The following TCEANC2 variants were observed in gnomAD, a reference collection of about 807,000 sequenced individuals.
TCEANC2 encodes transcription elongation factor A N-terminal and central domain containing 2.
TCEANC2 carries 20 observed loss-of-function variants against 22.8 expected under a neutral mutation model. The observed-to-expected ratio is 0.88, with a 90% CI of 0.62 to 1.28. The LOEUF (loss-of-function observed/expected upper bound fraction) is 1.28. TCEANC2 is among the 50% of genes most tolerant of loss of function. The probability of loss-of-function intolerance (pLI) is 0.00; values close to 1 mark genes in which losing one functional copy is unlikely to be tolerated. For synonymous variants in TCEANC2, 84 were observed against 95.5 expected, an observed-to-expected ratio of 0.88 and a Z score of 0.70; for missense variants, 251 against 249.7, an observed-to-expected ratio of 1.01 and a Z score of -0.03.
At chr1:54,064,296 G>A (rs942660266) in intron 2 of TCEANC2, among the ~76,000 whole-genome samples, 2 of 152,180 alleles carry the variant, frequency 1.3e-5, no homozygotes, top group Non-Finnish European at 2.9e-5. Flanking sequence ...GGTTCTTGGC[G>A]TTTTGAACAA....
chr1:54,054,690 AT>A (rs1441636199), intron 2 of TCEANC2, among the ~76,000 whole-genome samples, 166 bp downstream of exon 2: 1 of 152,132 alleles, frequency 6.6e-6, no homozygotes, highest in Non-Finnish European at 1.5e-5. Context: ...ACAGACTTAC[AT>A]TTATAAATTT....
chr1:54,083,581 G>A lies in TCEANC2; in HGVS notation c.245-5016G>A, dbSNP rs542935086. Among the ~76,000 whole-genome samples, 19 of 152,304 alleles carry A rather than the reference G, an allele frequency of 1.2e-4. No homozygotes were observed. In the South Asian group the frequency reaches 3.5e-3, roughly 28 times the overall value. The stretch of plus-strand genomic sequence containing the variant: ...AGGACTCTCTGTTTGAGGGACTTCT[G>A]TATTATTTCTCATACATAAAGCTGG... On this transcript the variant is annotated intron_variant, in intron 3 of 4. Transcript: ENST00000234827.
chr1:54,076,019 A>G (rs1200892038), intron 3 of TCEANC2, among the ~76,000 whole-genome samples: 3 of 148,128 alleles, frequency 2.0e-5, no homozygotes, highest in Admixed American at 6.6e-5. Context: ...CAGAGCAAGA[A>G]CTTGTCTCCA....
At chr1:54,084,131 G>T (rs1658295093) in intron 3 of TCEANC2, among the ~76,000 whole-genome samples, 1 of 151,776 alleles carries the variant, frequency 6.6e-6, no homozygotes, top group Non-Finnish European at 1.5e-5. Flanking sequence ...TCATGCCTCA[G>T]CCTCCTGAGT....
chr1:54,063,602 T>C (rs1192254526), intron 2 of TCEANC2, among the ~76,000 whole-genome samples: 1 of 152,196 alleles, frequency 6.6e-6, no homozygotes, highest in Non-Finnish European at 1.5e-5. Context: ...AGTGCCAACA[T>C]GGTACCCAAA....
chr1:54,065,679 C>T (rs1657941216), intron 2 of TCEANC2, among the ~76,000 whole-genome samples: 1 of 151,940 alleles, frequency 6.6e-6, no homozygotes, highest in South Asian at 2.1e-4. Flanking sequence ...CACCACTGCA[C>T]TCCAGCCTGG....
At chr1:54,095,150 T>C (rs1658521321) in intron 4 of TCEANC2, among the ~76,000 whole-genome samples, 1 of 152,090 alleles carries the variant, frequency 6.6e-6, no homozygotes, top group African/African-American at 2.4e-5. Context: ...ATCTGTAAAA[T>C]AAAAGTATAT....
At chr1:54,058,264 T>C (rs1657789539) in intron 2 of TCEANC2, among the ~76,000 whole-genome samples, 1 of 152,192 alleles carries the variant, frequency 6.6e-6, no homozygotes, top group South Asian at 2.1e-4. Flanking sequence ...TCCTCTACTA[T>C]TGGGCCCTTC....
intron 2 of TCEANC2, among the ~76,000 whole-genome samples, chr1:54,063,127 G>T (rs1475948241): frequency 6.6e-6 from 1 of 152,148 alleles, no homozygotes; most frequent in Non-Finnish European, 1.5e-5. Flanking sequence ...CTTAGGGGCT[G>T]GGATTTTAAG....
chr1:54,088,503 A>T (rs2100381129), intron 3 of TCEANC2, 94 bp from the exon 4 acceptor site: 2 of 984,162 alleles, frequency 2.0e-6, no homozygotes, highest in Non-Finnish European at 2.9e-6. Context: ...TGTGTGAATG[A>T]CTTTCTCAGT....
chr1:54,088,547 C>T, intron 3 of TCEANC2, 50 bp from the exon 4 acceptor site: 1 of 1,497,512 alleles, frequency 6.7e-7, no homozygotes, highest in Non-Finnish European at 9.0e-7. Flanking sequence ...CTGCGCTTCT[C>T]AGAAGAAGAT....
rs933234369 is a variant in TCEANC2, at chr1:54,105,418, T to A, written c.*8945T>A. The A allele has an allele frequency of 1.3e-5, 2 of 152,206 alleles. No homozygotes were observed. Among genetic ancestry groups the A allele is most frequent in the Non-Finnish European group, 2.9e-5 (2 of 68,096 alleles). The allele number at this position is 152,206 out of a possible 1,614,324, so 9.4% of individuals were successfully genotyped here. ...AAGGGCCATCTCAGCTTCAAGACCC[T>A]CCCATGAGACTGGCTGAGGTCTTCA... On this transcript the variant is annotated 3_prime_UTR_variant, in exon 5 of 5. Coordinates refer to ENST00000234827, the MANE Select transcript of TCEANC2 (RefSeq NM_153035.3).
rs142062407 is a variant in TCEANC2, at chr1:54,054,080, G to C, written c.-42-301G>C. On this transcript the variant is annotated intron_variant, in intron 1 of 4. Coordinates refer to ENST00000234827, the MANE Select transcript of TCEANC2 (RefSeq NM_153035.3). The stretch of plus-strand genomic sequence containing the variant: ...CCAATCTTATTTGGAAGAGGGCTTA[G>C]GTGCACGCTCTAGCGGGGATTCCAA... 88 of 371,820 alleles carry C rather than the reference G, an allele frequency of 2.4e-4. No individual in the cohort carries two copies. The South Asian group carries it at 5.0e-3, about 21-fold the overall frequency. 23.0% of individuals were successfully genotyped at this position (371,820 alleles called of 1,614,324 possible).
intron 3 of TCEANC2, among the ~76,000 whole-genome samples, chr1:54,079,093 G>C (rs949326120): frequency 6.6e-6 from 1 of 152,114 alleles, no homozygotes. Context: ...TCTTAACCTG[G>C]TGAGCAGGCA....
chr1:54,079,767 A>C, intron 3 of TCEANC2, among the ~76,000 whole-genome samples: 1 of 152,174 alleles, frequency 6.6e-6, no homozygotes, highest in East Asian at 1.9e-4. Context: ...AAGGTAACGT[A>C]GTCACAGATT....
chr1:54,091,460 A>G (rs1471138304), intron 4 of TCEANC2, among the ~76,000 whole-genome samples: 1 of 152,190 alleles, frequency 6.6e-6, no homozygotes, highest in Non-Finnish European at 1.5e-5. Flanking sequence ...AGCCTCTACA[A>G]TTTGATCCTA....
intron 3 of TCEANC2, among the ~76,000 whole-genome samples, chr1:54,078,952 C>T (rs987136195): frequency 2.0e-5 from 3 of 152,118 alleles, no homozygotes; most frequent in African/African-American, 7.2e-5. Flanking sequence ...AGTTGAGGGC[C>T]AACTAGCAAA....
downstream of TCEANC2, among the ~76,000 whole-genome samples, chr1:54,108,239 G>A (rs1276271870): frequency 6.6e-6 from 1 of 152,110 alleles, no homozygotes; most frequent in African/African-American, 2.4e-5. Context: ...TGACTTCTTT[G>A]GCCTGATTCT....
At chr1:54,070,862 C>G (rs939221480) in intron 3 of TCEANC2, among the ~76,000 whole-genome samples, 2 of 152,128 alleles carry the variant, frequency 1.3e-5, no homozygotes, top group Non-Finnish European at 2.9e-5. Context: ...CTTTTTGGAG[C>G]CTTAAGTCTA....
Sources: allele counts gnomAD v4.1 joint callset (sites outside exome capture counted in the v4.1 genomes callset), GRCh38; gene constraint gnomAD v4.1.1; transcripts MANE v1.5; gene names NCBI Gene and HGNC (gene_info 2026-07-23, HGNC 2026-07-21).